Variants in DLG2 observed in about 807,000 individuals in gnomAD.
DLG2 encodes the protein discs large MAGUK scaffold protein 2.
Under a neutral mutation model 132.5 loss-of-function variants are expected in DLG2, and 45 were observed. The observed-to-expected ratio is 0.34, with a 90% CI of 0.27 to 0.44. The LOEUF is 0.44. DLG2 is among the 20% of genes least tolerant of loss of function. DLG2 has a pLI of 1.00. For synonymous variants in DLG2, 424 were observed against 419.6 expected (o/e 1.01, Z -0.13); for missense variants, 1,045 against 1,196.9 (o/e 0.87, Z 1.87).
intron 6 of DLG2, among the ~76,000 whole-genome samples, chr11:84,888,791 G>C (rs2088803063): frequency 6.6e-6 from 1 of 152,002 alleles, no homozygotes. Flanking sequence ...ACCCATGTTG[G>C]CTGGTTCTGC....
intron 18 of DLG2, among the ~76,000 whole-genome samples, chr11:83,703,304 T>C (rs1435939473): frequency 6.6e-6 from 1 of 152,236 alleles, no homozygotes; most frequent in Non-Finnish European, 1.5e-5. Context: ...TAACCTAGGT[T>C]CTTGAATTGT....
chr11:85,462,808 A>G (rs1208789429), intron 3 of DLG2, among the ~76,000 whole-genome samples: 7 of 152,188 alleles, frequency 4.6e-5, no homozygotes, highest in African/African-American at 1.7e-4. Flanking sequence ...TAATTTAAAA[A>G]AAAAAATGAA....
intron 7 of DLG2, among the ~76,000 whole-genome samples, chr11:84,260,850 G>C (rs971926007): frequency 2.0e-5 from 3 of 152,134 alleles, no homozygotes; most frequent in African/African-American, 2.4e-5. Context: ...GACTCACACC[G>C]AGCTTTTACA....
At chr11:84,910,762 AAACAAC>A (rs59825403) in intron 6 of DLG2, among the ~76,000 whole-genome samples, 20,748 of 141,322 alleles carry the variant, frequency 0.15, 1,868 homozygotes, top group African/African-American at 0.26. Context: ...AAGGAAGAAA[AAACAAC>A]AACAACAACA....
chr11:85,571,488 A>G (rs1339514553), intron 3 of DLG2, among the ~76,000 whole-genome samples: 1 of 152,022 alleles, frequency 6.6e-6, no homozygotes, highest in Admixed American at 6.6e-5. Flanking sequence ...TACACCTTCA[A>G]CCCTCATGCA....
At chr11:84,731,079 G>T (rs79973120) in intron 6 of DLG2, among the ~76,000 whole-genome samples, 2,117 of 152,106 alleles carry the variant, frequency 0.014, 45 homozygotes, top group African/African-American at 0.048. Flanking sequence ...GGTACAGTGT[G>T]TGAGTTAGTT....
intron 7 of DLG2, among the ~76,000 whole-genome samples, chr11:84,404,361 C>A (rs2098841122): frequency 6.6e-6 from 1 of 152,146 alleles, no homozygotes; most frequent in South Asian, 2.1e-4. Context: ...CTTCAAAACT[C>A]GACTCAAATA....
At position 83,962,898 on chromosome 11, in the gene DLG2, C is replaced by T. The variant is rs772008941; in HGVS notation, c.1327G>A (p.Asp443Asn). The T allele has an allele frequency of 1.4e-5, 22 of 1,612,706 alleles. No individual in the cohort carries two copies. The highest frequency in any genetic ancestry group is 2.2e-5 in the East Asian group (1 of 44,870). Residue 443 changes from aspartate (D) to asparagine (N), a missense_variant, in exon 14 of 28, where the codon GAC becomes AAC. Asp to Asn is a conservative substitution (Grantham distance 23). Transcript: ENST00000376104. The part of the protein sequence containing the change: ...SPIPKHMLVD[D>N]DYTRPPEPVY... Reference sequence around the variant, plus strand: ...GGCATATCTGACCTGGTGTAGTCGTCGTCAACAAGCATGTGCTTTGGAATT... The same window carrying T: ...GGCATATCTGACCTGGTGTAGTCGTTGTCAACAAGCATGTGCTTTGGAATT...
intron 8 of DLG2, among the ~76,000 whole-genome samples, chr11:84,225,426 G>A (rs1461649481): frequency 6.6e-6 from 1 of 152,188 alleles, no homozygotes; most frequent in Admixed American, 6.5e-5. Flanking sequence ...TGTATATCTG[G>A]AGACAGTTGT....
chr11:83,814,406 A>G lies in DLG2; in HGVS notation c.1722+19208T>C, dbSNP rs138032330. On this transcript the variant is annotated intron_variant, in intron 17 of 27. Coordinates refer to ENST00000376104, the MANE Select transcript of DLG2 (RefSeq NM_001142699.3). ...CAAAAGGTTTATATATAATCCCAAA[A>G]CTGCTATTTCTCTTCTTCTATAATT... 5.8e-4 allele frequency among the ~76,000 whole-genome samples: 89 copies of G among 152,268 alleles called. 3 individuals carry two copies. The East Asian group carries it at 0.014, about 24-fold the overall frequency.
intron 15 of DLG2, among the ~76,000 whole-genome samples, chr11:83,894,010 T>C (rs2070783210): frequency 6.6e-6 from 1 of 152,216 alleles, no homozygotes; most frequent in Non-Finnish European, 1.5e-5. Context: ...CTCCAAACTT[T>C]ATCAAGGCAT....
intron 3 of DLG2, among the ~76,000 whole-genome samples, chr11:85,490,911 G>A (rs563217295): frequency 5.3e-5 from 8 of 152,070 alleles, no homozygotes; most frequent in East Asian, 1.9e-4. Context: ...GAATTATCCC[G>A]AATTCAATCT....
At chr11:85,473,747 A>G (rs904202165) in intron 3 of DLG2, among the ~76,000 whole-genome samples, 4 of 152,090 alleles carry the variant, frequency 2.6e-5, no homozygotes, top group Non-Finnish European at 5.9e-5. Flanking sequence ...AAAATACATA[A>G]ATATTGGTTA....
At chr11:83,822,206 C>G (rs1426533241) in intron 17 of DLG2, among the ~76,000 whole-genome samples, 2 of 152,134 alleles carry the variant, frequency 1.3e-5, no homozygotes, top group Non-Finnish European at 2.9e-5. Flanking sequence ...GAAGTTCTTA[C>G]TAGGTAGGAA....
At chr11:83,514,883 C>T (rs1451919962) in intron 21 of DLG2, among the ~76,000 whole-genome samples, 1 of 151,996 alleles carries the variant, frequency 6.6e-6, no homozygotes, top group African/African-American at 2.4e-5. Context: ...ATGAAGCCCA[C>T]TTGACCGTGG....
intron 6 of DLG2, among the ~76,000 whole-genome samples, chr11:84,811,618 A>T (rs2076567241): frequency 6.6e-6 from 1 of 152,124 alleles, no homozygotes; most frequent in Admixed American, 6.5e-5. Flanking sequence ...TAAAAAAGAG[A>T]AAATAGGAGA....
intron 4 of DLG2, among the ~76,000 whole-genome samples, chr11:85,174,892 T>G (rs1039825405): frequency 6.6e-6 from 1 of 152,032 alleles, no homozygotes; most frequent in Non-Finnish European, 1.5e-5. Flanking sequence ...CCTGGACACA[T>G]ACATTCTCCC....
intron 6 of DLG2, among the ~76,000 whole-genome samples, chr11:84,793,495 G>T (rs2074155962): frequency 6.6e-6 from 1 of 152,184 alleles, no homozygotes; most frequent in Non-Finnish European, 1.5e-5. Context: ...GTTGACAGTG[G>T]AGTGTTGAAG....
intron 3 of DLG2, among the ~76,000 whole-genome samples, chr11:85,342,279 T>A (rs1488752979): frequency 6.6e-6 from 1 of 152,194 alleles, no homozygotes; most frequent in African/African-American, 2.4e-5. Flanking sequence ...TTTCTTTATA[T>A]CCTTGTTTGT....
Sources: allele counts gnomAD v4.1 joint callset (sites outside exome capture counted in the v4.1 genomes callset), GRCh38; gene constraint gnomAD v4.1.1; transcripts MANE v1.5; gene names NCBI Gene and HGNC (gene_info 2026-07-23, HGNC 2026-07-21).